The following MCPH1 variants were observed in gnomAD, a reference collection of about 807,000 sequenced individuals.
MCPH1 encodes microcephalin 1, also known as microcephalin.
In MCPH1, 104 loss-of-function variants were observed where a neutral mutation model predicts 84.5. That is an observed-to-expected ratio of 1.23 (90% CI 1.05 to 1.45). MCPH1 has a LOEUF of 1.45. MCPH1 is among the 40% of genes most tolerant of loss of function. The probability of loss-of-function intolerance (pLI) is 0.00; values close to 1 mark genes in which losing one functional copy is unlikely to be tolerated. For synonymous variants in MCPH1, 514 were observed against 366.8 expected (o/e 1.40, Z -4.58); for missense variants, 1,498 against 1,005.7 (o/e 1.49, Z -6.62).
chr8:6,547,884 C>T (rs994573993), intron 12 of MCPH1, among the ~76,000 whole-genome samples: 1 of 148,664 alleles, frequency 6.7e-6, no homozygotes, highest in South Asian at 2.1e-4. Flanking sequence ...ATCTTACCCC[C>T]ATTTTTTTTT....
chr8:6,467,061 C>G (rs968316200), intron 9 of MCPH1, among the ~76,000 whole-genome samples: 2 of 152,010 alleles, frequency 1.3e-5, no homozygotes, highest in African/African-American at 2.4e-5. Flanking sequence ...AATACAATGA[C>G]AAAAACTGCA....
intron 12 of MCPH1, among the ~76,000 whole-genome samples, chr8:6,554,868 G>GT (rs780710849): frequency 2.7e-4 from 41 of 152,134 alleles, no homozygotes; most frequent in Non-Finnish European, 5.1e-4. Flanking sequence ...GTTCTCAGGA[G>GT]TTTTTTAATA....
chr8:6,578,019 A>C (rs1390966850), intron 12 of MCPH1, among the ~76,000 whole-genome samples: 2 of 152,188 alleles, frequency 1.3e-5, no homozygotes. Flanking sequence ...ATTTGAAGCG[A>C]GGAGTTTTTC....
intron 12 of MCPH1, chr8:6,508,666 G>A: frequency 1.7e-6 from 1 of 590,044 alleles, no homozygotes; most frequent in Non-Finnish European, 3.0e-6. Context: ...AGCTTGCTAA[G>A]AATCAAATAT....
intron 12 of MCPH1, among the ~76,000 whole-genome samples, chr8:6,561,333 C>G (rs944770986): frequency 6.6e-6 from 1 of 152,192 alleles, no homozygotes; most frequent in Non-Finnish European, 1.5e-5. Flanking sequence ...TTTTAAATGA[C>G]TCCTCTTGAC....
rs368612589 is a variant in MCPH1, at chr8:6,444,543, T to C, written c.821T>C (p.Ile274Thr). Residue 274 changes from isoleucine to threonine, a missense_variant, in exon 8 of 14, where the codon ATT (isoleucine) becomes ACT (threonine). Physicochemically the swap from Ile to Thr is moderately conservative, Grantham distance 89. Transcript: ENST00000344683. ...TCACTTGTATTGAAAGCAAATAATA[T>C]TCATTCATCACCATCTTTCACTCAC... Reference protein sequence around the residue: ...ISSLVLKANNIHSSPSFTHLD... With the variant: ...ISSLVLKANNTHSSPSFTHLD... 17 of 1,613,998 alleles carry C rather than the reference T, an allele frequency of 1.1e-5. No homozygotes were observed. The highest frequency in any genetic ancestry group is 4.5e-5 in the East Asian group (2 of 44,890).
chr8:6,492,829 A>G (rs1423892612), intron 11 of MCPH1, among the ~76,000 whole-genome samples: 2 of 151,624 alleles, frequency 1.3e-5, no homozygotes, highest in Non-Finnish European at 2.9e-5. Flanking sequence ...ACTGATAAGG[A>G]TTATTGTTAA....
At chr8:6,588,432 C>A (rs970034283) in intron 12 of MCPH1, among the ~76,000 whole-genome samples, 2 of 151,666 alleles carry the variant, frequency 1.3e-5, no homozygotes, top group African/African-American at 4.9e-5. Context: ...TTTATGATTG[C>A]GAGGAATATT....
At chr8:6,427,476 A>G (rs529771944) in intron 3 of MCPH1, among the ~76,000 whole-genome samples, 27 of 152,254 alleles carry the variant, frequency 1.8e-4, no homozygotes, top group African/African-American at 5.8e-4. Context: ...GGCTCAAGCA[A>G]TCCTCCTGCC....
chr8:6,547,884 C>A (rs994573993), intron 12 of MCPH1, among the ~76,000 whole-genome samples: 1 of 148,664 alleles, frequency 6.7e-6, no homozygotes, highest in African/African-American at 2.5e-5. Context: ...ATCTTACCCC[C>A]ATTTTTTTTT....
At chr8:6,429,154 A>C (rs2442525) in intron 3 of MCPH1, among the ~76,000 whole-genome samples, 147,419 of 152,346 alleles carry the variant, frequency 0.97, 71,390 homozygotes, top group East Asian at 1. Context: ...ATCATTATGA[A>C]TGTGGAAGTT....
intron 13 of MCPH1, 59 bp downstream of exon 13, chr8:6,621,750 G>A (rs1208452707): frequency 2.5e-6 from 4 of 1,611,710 alleles, no homozygotes; most frequent in Non-Finnish European, 1.7e-6. Flanking sequence ...CAGGTTTCCA[G>A]GGAGGGCGGC....
intron 13 of MCPH1, among the ~76,000 whole-genome samples, chr8:6,635,807 C>T (rs1394351895): frequency 1.3e-5 from 2 of 152,146 alleles, no homozygotes; most frequent in African/African-American, 2.4e-5. Context: ...ATGTAAAATG[C>T]CGTGTCCCGT....
At chr8:6,486,385 A>G (rs1586056984) in intron 11 of MCPH1, among the ~76,000 whole-genome samples, 2 of 151,962 alleles carry the variant, frequency 1.3e-5, no homozygotes, top group East Asian at 1.9e-4. Context: ...CTCTTTGGCT[A>G]GCAGTATAAA....
intron 12 of MCPH1, among the ~76,000 whole-genome samples, chr8:6,589,756 T>C (rs13255093): frequency 1.3e-5 from 2 of 152,084 alleles, no homozygotes; most frequent in East Asian, 1.9e-4. Flanking sequence ...AAATACATTA[T>C]GTGTAAATTG....
At position 6,469,952 on chromosome 8, in the gene MCPH1, C is replaced by G. The variant is rs932298059; in HGVS notation, c.1936-7642C>G. Among the ~76,000 whole-genome samples the G allele has an allele frequency of 2.8e-4, 43 of 152,144 alleles. 1 individual carries two copies. The highest frequency in any genetic ancestry group is 2.7e-3 in the Admixed American group (42 of 15,276). On this transcript the variant is annotated intron_variant, in intron 9 of 13. Coordinates refer to ENST00000344683, the MANE Select transcript of MCPH1 (RefSeq NM_024596.5). ...CTGGTCGTTGGATTCTTTCATGTGA[C>G]CACCTTTTTCACGTTTGCTCTGATT...
rs1451267310 is a variant in MCPH1 at position 6,445,306 on chromosome 8, C to T, written c.1584C>T (p.Thr528=). 1 of 1,614,118 alleles carries T rather than the reference C, an allele frequency of 6.2e-7. No individual in the cohort carries two copies. The highest frequency in any genetic ancestry group is 1.3e-5 in the African/African-American group (1 of 74,936). ...CAGAGGGAAATGGCTTTTCTTACAC[C>T]ATTGAGGACCCTGCTCTTCCAAAAG... is the stretch of plus-strand genomic sequence containing the variant. ...ACPEGNGFSY[T]IEDPALPKGH... is the part of the protein sequence containing the mutation. The change falls in exon 8 of 14, where the codon ACC becomes ACT. Residue 528 remains threonine (T), a synonymous_variant. Transcript: ENST00000344683.
intron 12 of MCPH1, among the ~76,000 whole-genome samples, chr8:6,558,568 C>T (rs1434708153): frequency 4.6e-5 from 7 of 152,122 alleles, no homozygotes; most frequent in Admixed American, 1.3e-4. Context: ...TTGTGGATTA[C>T]AACCTGTTTG....
At chr8:6,585,602 A>C (rs561128139) in intron 12 of MCPH1, among the ~76,000 whole-genome samples, 6 of 152,268 alleles carry the variant, frequency 3.9e-5, no homozygotes, top group African/African-American at 1.4e-4. Flanking sequence ...TTTTCCCTCT[A>C]CTGAAATTTA....
Sources: allele counts gnomAD v4.1 joint callset (sites outside exome capture counted in the v4.1 genomes callset), GRCh38; gene constraint gnomAD v4.1.1; transcripts MANE v1.5; gene names NCBI Gene and HGNC (gene_info 2026-07-23, HGNC 2026-07-21).